The following KCNH5 variants were observed in gnomAD, a reference collection of about 807,000 sequenced individuals.
The protein encoded by KCNH5 is potassium voltage-gated channel subfamily H member 5, also known as voltage-gated delayed rectifier potassium channel KCNH5.
A neutral mutation model predicts 96.1 loss-of-function variants in KCNH5; 46 were observed. The observed-to-expected ratio is 0.48, with a 90% CI of 0.38 to 0.61. The LOEUF (loss-of-function observed/expected upper bound fraction) is 0.61. Among genes scored for constraint, KCNH5 ranks in the 20% least tolerant of loss-of-function variants. The pLI, the probability that KCNH5 is intolerant of heterozygous loss-of-function variation, is 0.00. For synonymous variants in KCNH5, 439 were observed against 449.8 expected (o/e 0.98, Z 0.30); for missense variants, 907 against 1,225.8 (o/e 0.74, Z 3.88).
chr14:63,012,033 A>C (rs912705404), intron 2 of KCNH5, among the ~76,000 whole-genome samples: 1 of 152,202 alleles, frequency 6.6e-6, no homozygotes, highest in African/African-American at 2.4e-5. Flanking sequence ...TATCCAAAAC[A>C]AAAACAAAAA....
chr14:62,793,289 C>G (rs1329968196), intron 9 of KCNH5, among the ~76,000 whole-genome samples: 4 of 151,748 alleles, frequency 2.6e-5, no homozygotes. Flanking sequence ...GAGGGTAGAT[C>G]TCATATTAAG....
chr14:62,814,246 A>G (rs930203203), intron 8 of KCNH5, among the ~76,000 whole-genome samples: 2 of 152,166 alleles, frequency 1.3e-5, no homozygotes, highest in Non-Finnish European at 2.9e-5. Context: ...TTTTGCAGTA[A>G]CAACAAACAG....
At chr14:62,973,639 A>G (rs192323258) in intron 6 of KCNH5, among the ~76,000 whole-genome samples, 87 of 152,308 alleles carry the variant, frequency 5.7e-4, no homozygotes, top group African/African-American at 1.9e-3. Flanking sequence ...TTCTTCATAA[A>G]TGACCCAACC....
intron 7 of KCNH5, among the ~76,000 whole-genome samples, chr14:62,910,432 C>T (rs1889127148): frequency 1.3e-5 from 2 of 151,966 alleles, no homozygotes; most frequent in Non-Finnish European, 2.9e-5. Flanking sequence ...GACAAATAGT[C>T]ATTACACAAG....
Position 62,779,845 on chromosome 14 carries a change from C to T in KCNH5, c.1902G>A (p.Thr634=), listed in dbSNP as rs200142051. The change falls in exon 10 of 11, where the codon ACG becomes ACA. Residue 634 remains threonine (T), a synonymous_variant. Transcript: ENST00000322893. ...GCTTGATGATGTGTAGGTCACAGTA[C>T]GTCAGTGCCCGGACGTTCGCACATG... is the stretch of plus-strand genomic sequence containing the variant. ...AHACANVRAL[T]YCDLHIIKRE... is the part of the protein sequence containing the mutation. The T allele has an allele frequency of 1.9e-5, 30 of 1,613,602 alleles. No individual in the cohort carries two copies. Among genetic ancestry groups the T allele is most frequent in the East Asian group, 6.7e-5 (3 of 44,848 alleles).
At chr14:62,844,720 C>T (rs1421047289) in intron 8 of KCNH5, among the ~76,000 whole-genome samples, 1 of 152,138 alleles carries the variant, frequency 6.6e-6, no homozygotes, top group Non-Finnish European at 1.5e-5. Context: ...TTGCCTAAAG[C>T]AAACTTTCAT....
intron 6 of KCNH5, among the ~76,000 whole-genome samples, chr14:62,958,016 T>C (rs934498219): frequency 2.0e-5 from 3 of 152,228 alleles, no homozygotes; most frequent in Non-Finnish European, 2.9e-5. Context: ...GTGCATATGT[T>C]ACATGCTTAT....
At chr14:62,813,629 A>G (rs369205467) in intron 8 of KCNH5, among the ~76,000 whole-genome samples, 1 of 152,294 alleles carries the variant, frequency 6.6e-6, no homozygotes, top group African/African-American at 2.4e-5. Flanking sequence ...TTTGATAGAC[A>G]TTGGAGCTAC....
At chr14:62,742,630 A>C (rs926869114) in intron 10 of KCNH5, among the ~76,000 whole-genome samples, 1 of 152,188 alleles carries the variant, frequency 6.6e-6, no homozygotes, top group African/African-American at 2.4e-5. Flanking sequence ...CGCTTTAAAC[A>C]CGTCTTTAAC....
At chr14:62,855,254 G>A (rs1049843495) in intron 7 of KCNH5, among the ~76,000 whole-genome samples, 7 of 152,186 alleles carry the variant, frequency 4.6e-5, no homozygotes, top group Non-Finnish European at 8.8e-5. Flanking sequence ...TAACACTTAC[G>A]ACTATGTAGG....
chr14:62,799,726 T>TATATATACACAC (rs1213484157), intron 9 of KCNH5, among the ~76,000 whole-genome samples: 226 of 68,584 alleles, frequency 3.3e-3, no homozygotes, highest in Non-Finnish European at 5.2e-3. Flanking sequence ...TATATATATA[T>TATATATACACAC]ACACACACAC....
intron 7 of KCNH5, among the ~76,000 whole-genome samples, chr14:62,901,401 C>G (rs1023879903): frequency 1.5e-4 from 23 of 152,096 alleles, no homozygotes; most frequent in African/African-American, 5.1e-4. Context: ...CTAGTAGAAC[C>G]CAGTTTCTAT....
intron 1 of KCNH5, among the ~76,000 whole-genome samples, chr14:63,021,553 A>G (rs1440316007): frequency 6.6e-6 from 1 of 151,942 alleles, no homozygotes; most frequent in Non-Finnish European, 1.5e-5. Flanking sequence ...CTCAGCCTAC[A>G]TCTCCTCTGG....
intron 9 of KCNH5, among the ~76,000 whole-genome samples, chr14:62,795,071 A>G (rs1886512292): frequency 6.6e-6 from 1 of 152,112 alleles, no homozygotes; most frequent in African/African-American, 2.4e-5. Flanking sequence ...CCCCTCAATT[A>G]TCTTTGTTCA....
At chr14:62,802,844 C>T (rs1886692677) in intron 8 of KCNH5, among the ~76,000 whole-genome samples, 1 of 152,056 alleles carries the variant, frequency 6.6e-6, no homozygotes, top group African/African-American at 2.4e-5. Flanking sequence ...TGGATCTCCC[C>T]TCAGAAAGAA....
At chr14:62,782,475 A>T (rs1886238737) in intron 9 of KCNH5, among the ~76,000 whole-genome samples, 1 of 152,206 alleles carries the variant, frequency 6.6e-6, no homozygotes, top group South Asian at 2.1e-4. Flanking sequence ...GCAAATTAAC[A>T]ACCTAATAAC....
chr14:62,853,950 T>G (rs1240359462), intron 7 of KCNH5, among the ~76,000 whole-genome samples: 1 of 146,804 alleles, frequency 6.8e-6, no homozygotes, highest in African/African-American at 2.6e-5. Context: ...GAGGTTGCAG[T>G]GAGCCGAGAT....
chr14:62,826,408 A>ATGGG (rs1555358741), intron 8 of KCNH5, among the ~76,000 whole-genome samples: 5 of 142,080 alleles, frequency 3.5e-5, no homozygotes, highest in African/African-American at 1.3e-4. Flanking sequence ...GCGTGCGTGC[A>ATGGG]TGTGTGTGTG....
rs1218715034 is a variant in KCNH5, at chr14:62,978,517, G to A, written c.942+2355C>T. 6.6e-5 allele frequency among the ~76,000 whole-genome samples: 10 copies of A among 151,630 alleles called. 1 individual carries two copies. The highest frequency in any genetic ancestry group is 6.6e-4 in the Admixed American group (10 of 15,214). On this transcript the variant is annotated intron_variant, in intron 6 of 10. Coordinates refer to ENST00000322893, the MANE Select transcript of KCNH5 (RefSeq NM_139318.5). ...CCGGAGAATGGCGTGAACCCGGGAG[G>A]CGGAGCTTGCAGTGAGCCGAGACAG...
Sources: allele counts gnomAD v4.1 joint callset (sites outside exome capture counted in the v4.1 genomes callset), GRCh38; gene constraint gnomAD v4.1.1; transcripts MANE v1.5; gene names NCBI Gene and HGNC (gene_info 2026-07-23, HGNC 2026-07-21).